The following RBMS3 variants were observed in gnomAD, a reference collection of about 807,000 sequenced individuals.
RBMS3 encodes the protein RNA binding motif single stranded interacting protein 3, also known as RNA-binding motif, single-stranded-interacting protein 3.
Under a neutral mutation model 66.8 loss-of-function variants are expected in RBMS3, and 27 were observed. That is an observed-to-expected ratio of 0.40 (90% CI 0.30 to 0.56). The LOEUF (loss-of-function observed/expected upper bound fraction) is 0.56, where lower values mean the gene tolerates loss of function less well. Among genes scored for constraint, RBMS3 ranks in the 20% least tolerant of loss-of-function variants. RBMS3 has a pLI of 0.40. For synonymous variants in RBMS3, 188 were observed against 183.0 expected (o/e 1.03, Z -0.22); for missense variants, 513 against 549.5 (o/e 0.93, Z 0.66).
intron 12 of RBMS3, among the ~76,000 whole-genome samples, chr3:29,952,209 G>A (rs1695728594): frequency 6.6e-6 from 1 of 151,730 alleles, no homozygotes. Context: ...CAACGTTATG[G>A]CATTTAGAGC....
At chr3:29,971,221 T>C (rs1697207945) in intron 12 of RBMS3, among the ~76,000 whole-genome samples, 1 of 152,164 alleles carries the variant, frequency 6.6e-6, no homozygotes, top group Non-Finnish European at 1.5e-5. Context: ...CAAAACTACA[T>C]TATTTCATTA....
intron 4 of RBMS3, among the ~76,000 whole-genome samples, chr3:29,693,399 T>C (rs531048799): frequency 6.6e-6 from 1 of 152,164 alleles, no homozygotes; most frequent in Non-Finnish European, 1.5e-5. Flanking sequence ...TGGATGCCTC[T>C]GAGGATGTCC....
chr3:29,656,820 G>A (rs1224005116), intron 4 of RBMS3, among the ~76,000 whole-genome samples: 1 of 152,098 alleles, frequency 6.6e-6, no homozygotes, highest in African/African-American at 2.4e-5. Context: ...ATTAGTTAGG[G>A]TAGACTAACT....
At chr3:29,731,567 TC>T (rs1256361618) in intron 4 of RBMS3, among the ~76,000 whole-genome samples, 3 of 152,156 alleles carry the variant, frequency 2.0e-5, no homozygotes, top group Admixed American at 6.5e-5. Context: ...TCTTTACTCT[TC>T]CCTTTGGTCT....
At chr3:29,820,304 A>G (rs2058045167) in intron 6 of RBMS3, among the ~76,000 whole-genome samples, 1 of 151,008 alleles carries the variant, frequency 6.6e-6, no homozygotes, top group African/African-American at 2.4e-5. Context: ...AAATGTTGCC[A>G]AAAAATAGAC....
At chr3:29,924,028 G>T (rs75532122) in intron 10 of RBMS3, among the ~76,000 whole-genome samples, 1,779 of 152,212 alleles carry the variant, frequency 0.012, 32 homozygotes, top group African/African-American at 0.041. Context: ...TATAGAAAAA[G>T]AAATCTTTGC....
intron 3 of RBMS3, among the ~76,000 whole-genome samples, chr3:29,518,277 A>G (rs915715882): frequency 5.3e-5 from 8 of 152,218 alleles, no homozygotes; most frequent in Non-Finnish European, 7.3e-5. Context: ...CTGTGGGCCT[A>G]TACCCACTTA....
intron 4 of RBMS3, among the ~76,000 whole-genome samples, chr3:29,611,866 T>C (rs2048504058): frequency 6.6e-6 from 1 of 152,096 alleles, no homozygotes; most frequent in Non-Finnish European, 1.5e-5. Context: ...AGGTCTCATA[T>C]GTGGATCCAG....
intron 6 of RBMS3, among the ~76,000 whole-genome samples, chr3:29,804,380 A>G (rs912004047): frequency 2.6e-5 from 4 of 152,074 alleles, no homozygotes; most frequent in Admixed American, 6.6e-5. Flanking sequence ...TCTATAATAT[A>G]TAGACTTATA....
intron 4 of RBMS3, chr3:29,698,444 T>C: frequency 1.0e-6 from 1 of 985,388 alleles, no homozygotes; most frequent in Non-Finnish European, 1.2e-6. Flanking sequence ...AAGTGGTAAA[T>C]GGAGAAATAC....
chr3:29,517,105 C>T (rs959167650), intron 3 of RBMS3, among the ~76,000 whole-genome samples: 2 of 151,788 alleles, frequency 1.3e-5, no homozygotes, highest in Non-Finnish European at 2.9e-5. Context: ...CCCAGCTACC[C>T]AGGAGGCTGA....
Position 29,949,384 on chromosome 3 carries a change from C to G in RBMS3, c.1098+5130C>G, listed in dbSNP as rs532237615. Among the ~76,000 whole-genome samples, 9 of 151,836 alleles carry G rather than the reference C, an allele frequency of 5.9e-5. No individual in the cohort carries two copies. The South Asian group carries it at 1.9e-3, about 31-fold the overall frequency. On this transcript the variant is annotated intron_variant, in intron 12 of 14. Coordinates refer to ENST00000383767, the MANE Select transcript of RBMS3 (RefSeq NM_001003793.3). Reference sequence around the variant, plus strand: ...GTAGCATGAAAGCAGACACAAGCCACGTGCAAATAAGTGAGCATGGCTATA... The same window carrying G: ...GTAGCATGAAAGCAGACACAAGCCAGGTGCAAATAAGTGAGCATGGCTATA...
In RBMS3 at chr3:29,936,079, C is replaced by T. The variant is rs79840174; in HGVS notation, c.940-7C>T. The T allele has an allele frequency of 1.3e-4, 206 of 1,609,550 alleles. 1 individual carries two copies. The African/African-American group carries it at 2.5e-3, about 20-fold the overall frequency. ...TATTTTCAAATGGACATTGTATATGCTTGTAGGGTGCTGTGATTACACCAA... is the reference window on the plus strand; with the variant it reads ...TATTTTCAAATGGACATTGTATATGTTTGTAGGGTGCTGTGATTACACCAA... On this transcript the variant is annotated splice_region_variant and splice_polypyrimidine_tract_variant and intron_variant, in intron 10 of 14. Transcript: ENST00000383767.
chr3:29,382,733 T>A (rs2125626551), intron 1 of RBMS3, among the ~76,000 whole-genome samples: 1 of 152,306 alleles, frequency 6.6e-6, no homozygotes, highest in South Asian at 2.1e-4. Flanking sequence ...GTATTTTATT[T>A]TTCGTTTATA....
At chr3:29,527,613 T>C (rs2045181355) in intron 3 of RBMS3, among the ~76,000 whole-genome samples, 2 of 152,234 alleles carry the variant, frequency 1.3e-5, no homozygotes, top group Non-Finnish European at 2.9e-5. Flanking sequence ...ACTGTTGGTT[T>C]ATATTTGGCA....
chr3:29,613,960 G>T (rs2048573923), intron 4 of RBMS3, among the ~76,000 whole-genome samples: 1 of 152,092 alleles, frequency 6.6e-6, no homozygotes, highest in South Asian at 2.1e-4. Context: ...ATGTGATCCA[G>T]CAATCCCGCT....
chr3:29,833,562 C>T (rs1429553385), intron 6 of RBMS3, among the ~76,000 whole-genome samples: 1 of 152,078 alleles, frequency 6.6e-6, no homozygotes, highest in Non-Finnish European at 1.5e-5. Flanking sequence ...AATAGAGTGT[C>T]ATCAGCTGCC....
At chr3:29,310,725 G>C (rs1394689125) in intron 1 of RBMS3, among the ~76,000 whole-genome samples, 1 of 151,678 alleles carries the variant, frequency 6.6e-6, no homozygotes, top group Admixed American at 6.6e-5. Flanking sequence ...ACGCTGAAGG[G>C]AAAGATCACT....
At chr3:29,879,392 TAAC>T (rs2059685590) in intron 7 of RBMS3, among the ~76,000 whole-genome samples, 1 of 152,194 alleles carries the variant, frequency 6.6e-6, no homozygotes, top group Admixed American at 6.5e-5. Context: ...TTTTTAATCT[TAAC>T]AAGTGAACAG....
Sources: allele counts gnomAD v4.1 joint callset (sites outside exome capture counted in the v4.1 genomes callset), GRCh38; gene constraint gnomAD v4.1.1; transcripts MANE v1.5; gene names NCBI Gene and HGNC (gene_info 2026-07-23, HGNC 2026-07-21).